MKRN2: variants seen among roughly 807,000 people sequenced by gnomAD.
MKRN2 encodes the protein E3 ubiquitin-protein ligase makorin-2.
MKRN2 carries 32 observed loss-of-function variants against 45.4 expected under a neutral mutation model. The ratio of observed to expected loss-of-function variants is 0.70; its 90% confidence interval spans 0.53 to 0.95. The LOEUF (loss-of-function observed/expected upper bound fraction) is 0.95. Among genes scored for constraint, MKRN2 ranks in the 40% least tolerant of loss-of-function variants. The pLI is 0.00. For missense variants in MKRN2, 526 were observed against 536.7 expected (o/e 0.98, Z 0.20); for synonymous variants, 206 against 192.4 (o/e 1.07, Z -0.59).
chr3:12,562,844 C>A (rs1008860872), intron 1 of MKRN2, among the ~76,000 whole-genome samples: 1 of 151,976 alleles, frequency 6.6e-6, no homozygotes, highest in African/African-American at 2.4e-5. Context: ...CCAGATGGGA[C>A]CATCTAGTTG....
At chr3:12,557,375 T>A (rs2057985960) in intron 1 of MKRN2, among the ~76,000 whole-genome samples, 199 bp downstream of exon 1, 1 of 152,118 alleles carries the variant, frequency 6.6e-6, no homozygotes, top group African/African-American at 2.4e-5. Flanking sequence ...GCCGAGACGC[T>A]GGGCGAGGCC....
rs2058182248 is a variant in MKRN2, at chr3:12,581,892, T to C, written c.1053T>C (p.Asp351=). The C allele has an allele frequency of 3.7e-6, 6 of 1,614,186 alleles. No homozygotes were observed. Among genetic ancestry groups the C allele is most frequent in the African/African-American group, 1.3e-5 (1 of 75,052 alleles). Residue 351 remains aspartate (D), a synonymous_variant, in exon 7 of 8, where the codon GAT becomes GAC. Transcript: ENST00000170447. ...GTCTTTATCGCCATGCTTACCCCGA[T>C]GGGCGGCTAGCAGAGCCTGAGAAAC... ...SKCLYRHAYP[D]GRLAEPEKPR...
intron 5 of MKRN2, among the ~76,000 whole-genome samples, chr3:12,576,225 G>GTGTT (rs2058135650): frequency 1.4e-5 from 2 of 144,446 alleles, no homozygotes; most frequent in African/African-American, 5.6e-5. Context: ...GTGTGTGTGT[G>GTGTT]TGTGTATTTT....
intron 1 of MKRN2, among the ~76,000 whole-genome samples, chr3:12,559,971 CT>C (rs1327183777): frequency 6.6e-6 from 1 of 152,098 alleles, no homozygotes; most frequent in Non-Finnish European, 1.5e-5. Context: ...CATGGGGGAT[CT>C]TTTCAGCTGG....
In MKRN2 at chr3:12,557,275, G is replaced by C. The variant is rs531186569; in HGVS notation, c.26+99G>C. 292 of 1,456,052 alleles carry C rather than the reference G, an allele frequency of 2.0e-4. No homozygotes were observed. In the African/African-American group the frequency reaches 3.8e-3, roughly 19 times the overall value. 90.2% of individuals were successfully genotyped at this position (1,456,052 alleles called of 1,614,324 possible). On this transcript the variant is annotated intron_variant, in intron 1 of 7. Transcript: ENST00000170447. ...GGTCCGGGAACCTGAGGCTAGAGCG[G>C]GACTCGGAAAGTTACTCGGCTGTTC...
At chr3:12,560,778 G>C (rs1279689003) in intron 1 of MKRN2, 1 of 152,348 alleles carries the variant, frequency 6.6e-6, no homozygotes, top group Non-Finnish European at 1.5e-5. Flanking sequence ...CTCCAGCTAT[G>C]CACTTCACCC....
intron 5 of MKRN2, among the ~76,000 whole-genome samples, chr3:12,575,773 A>G (rs2058130970): frequency 6.6e-6 from 1 of 152,144 alleles, no homozygotes; most frequent in Non-Finnish European, 1.5e-5. Flanking sequence ...GGAATCATAG[A>G]ATTTGGGGCC....
Position 12,582,320 on chromosome 3 carries a change from A to C in MKRN2, c.*67A>C. ...AACTTTCCCAAGCCAGGGTGTGCGG[A>C]GCTTCCCTGTACTGCAGCCAAGGTG... On this transcript the variant is annotated 3_prime_UTR_variant, in exon 8 of 8. Coordinates refer to ENST00000170447, the MANE Select transcript of MKRN2 (RefSeq NM_014160.5). 1 of 1,598,028 alleles carries C rather than the reference A, an allele frequency of 6.3e-7. No homozygotes were observed. The highest frequency in any genetic ancestry group is 8.6e-7 in the Non-Finnish European group (1 of 1,168,156).
At chr3:12,580,559 T>C (rs58347743) in intron 6 of MKRN2, among the ~76,000 whole-genome samples, 24,305 of 150,626 alleles carry the variant, frequency 0.16, 2,146 homozygotes, top group African/African-American at 0.23. Context: ...TTCAAGCAAT[T>C]CTCCTGCCTC....
chr3:12,574,888 G>A lies in MKRN2; in HGVS notation c.739G>A (p.Glu247Lys), dbSNP rs111242912. 2 of 1,614,212 alleles carry A rather than the reference G, an allele frequency of 1.2e-6. No individual in the cohort carries two copies. Among genetic ancestry groups the A allele is most frequent in the Admixed American group, 1.7e-5 (1 of 60,026 alleles). Residue 247 changes from glutamate to lysine, a missense_variant, in exon 5 of 8, where the codon GAG becomes AAG. Physicochemically the swap from Glu to Lys is moderately conservative, Grantham distance 56. Transcript: ENST00000170447. ...CAGTATCTGCATGGAAGTGATCCTG[G>A]AGAAGGCCTCTGCTTCTGAGAGGAG... ...VCSICMEVIL[E>K]KASASERRFG...
intron 1 of MKRN2, chr3:12,560,776 A>G (rs760930409): frequency 1.3e-5 from 2 of 152,280 alleles, no homozygotes; most frequent in African/African-American, 2.4e-5. Flanking sequence ...GTCTCCAGCT[A>G]TGCACTTCAC....
At chr3:12,564,421 T>C (rs957682418) in intron 1 of MKRN2, among the ~76,000 whole-genome samples, 3 of 152,250 alleles carry the variant, frequency 2.0e-5, no homozygotes, top group African/African-American at 7.2e-5. Context: ...TAAATTTTCA[T>C]TTTATACCTA....
At position 12,576,646 on chromosome 3, in the gene MKRN2, C is replaced by T. The variant is rs1407531776; in HGVS notation, c.873C>T (p.Cys291=). 6.2e-7 allele frequency: 1 copy of T among 1,601,496 alleles called. No homozygotes were observed. The highest frequency in any genetic ancestry group is 8.6e-7 in the Non-Finnish European group (1 of 1,169,342). Residue 291 remains cysteine (C), a synonymous_variant, in exon 6 of 8, where the codon TGC becomes TGT. Transcript: ENST00000170447. ...ENPIIKSCPE[C]RVISEFVIPS... is the part of the protein sequence containing the mutation. ...CTTATTTCAGGTCTTGTCCAGAATG[C>T]CGTGTGATATCAGAGTTTGTAATTC...
rs369421391 is a variant in MKRN2 at position 12,568,248 on chromosome 3, A to G, written c.27-627A>G. Among the ~76,000 whole-genome samples, 17 of 152,350 alleles carry G rather than the reference A, an allele frequency of 1.1e-4. No homozygotes were observed. In the East Asian group the frequency reaches 3.3e-3, roughly 29 times the overall value. On this transcript the variant is annotated intron_variant, in intron 1 of 7. Transcript: ENST00000170447. ...GGTTGCAGTGAGCTGAGACTGTGCC[A>G]TTGCACTTCAGCCTGGGTGACAGAG...
chr3:12,560,684 A>C (rs1337552760), intron 1 of MKRN2: 1 of 152,188 alleles, frequency 6.6e-6, no homozygotes, highest in Non-Finnish European at 1.5e-5. Context: ...TATAATAGCC[A>C]TACTGTCTGA....
At chr3:12,573,063 G>T (rs1298763521) in intron 4 of MKRN2, among the ~76,000 whole-genome samples, 2 of 152,154 alleles carry the variant, frequency 1.3e-5, no homozygotes, top group African/African-American at 4.8e-5. Context: ...CTTCCTCATG[G>T]TTGGGATCCA....
At chr3:12,567,313 C>T (rs941673886) in intron 1 of MKRN2, among the ~76,000 whole-genome samples, 4 of 150,960 alleles carry the variant, frequency 2.6e-5, no homozygotes, top group Non-Finnish European at 4.4e-5. Flanking sequence ...TTGCTGTCAC[C>T]CAGGCTAGAG....
intron 1 of MKRN2, among the ~76,000 whole-genome samples, chr3:12,560,535 G>T (rs1017269969): frequency 2.0e-5 from 3 of 150,502 alleles, no homozygotes; most frequent in African/African-American, 7.3e-5. Context: ...ACTTGGAAGT[G>T]ATTTGCAAAA....
chr3:12,575,121 C>T (rs2125305951), intron 5 of MKRN2, 115 bp downstream of exon 5: 1 of 936,642 alleles, frequency 1.1e-6, no homozygotes, highest in Non-Finnish European at 1.6e-6. Flanking sequence ...TGAGTTCTGG[C>T]CCCTGGCTGC....
Sources: gnomAD v4.1 joint callset for allele counts (sites outside exome capture counted in the v4.1 genomes callset) on GRCh38, gnomAD v4.1.1 for gene constraint, MANE v1.5 for transcripts, NCBI Gene and HGNC (gene_info 2026-07-23, HGNC 2026-07-21) for gene names.